The following PLXNA4 variants were observed in gnomAD, a reference collection of about 807,000 sequenced individuals.
The protein encoded by PLXNA4 is plexin A4, also known as plexin-A4.
PLXNA4 carries 44 observed loss-of-function variants against 191.8 expected under a neutral mutation model. The observed-to-expected ratio is 0.23, with a 90% confidence interval of 0.18 to 0.29. The LOEUF (loss-of-function observed/expected upper bound fraction) is 0.29, where lower values mean the gene tolerates loss of function less well. Among genes scored for constraint, PLXNA4 ranks in the 10% least tolerant of loss-of-function variants. The probability of loss-of-function intolerance (pLI) is 1.00; values close to 1 mark genes in which losing one functional copy is unlikely to be tolerated. For synonymous variants in PLXNA4, 1,082 were observed against 1,009.5 expected, an observed-to-expected ratio of 1.07 and a Z score of -1.36; for missense variants, 1,800 against 2,488.8, an observed-to-expected ratio of 0.72 and a Z score of 5.89.
At chr7:132,501,474 G>A (rs1798249220) in intron 2 of PLXNA4, among the ~76,000 whole-genome samples, 2 of 152,108 alleles carry the variant, frequency 1.3e-5, no homozygotes, top group African/African-American at 4.8e-5. Flanking sequence ...CCTGGGTCCC[G>A]CCTCACTCCC....
intron 4 of PLXNA4, among the ~76,000 whole-genome samples, chr7:132,256,651 G>A (rs972485231): frequency 6.6e-6 from 1 of 152,196 alleles, no homozygotes; most frequent in Middle Eastern, 3.2e-3. Flanking sequence ...AGATGCTGGT[G>A]CCTGGGCCAA....
At chr7:132,184,576 C>T (rs552001329) in intron 16 of PLXNA4, among the ~76,000 whole-genome samples, 1 of 152,338 alleles carries the variant, frequency 6.6e-6, no homozygotes, top group Non-Finnish European at 1.5e-5. Context: ...ATTTCAAAAT[C>T]CCTGGGTGAA....
intron 3 of PLXNA4, among the ~76,000 whole-genome samples, chr7:132,399,855 T>C (rs1793914684): frequency 1.3e-5 from 2 of 152,324 alleles, no homozygotes; most frequent in Admixed American, 6.5e-5. Flanking sequence ...CGCAATGAAA[T>C]GTGCAGATCT....
rs1426228631 is a variant in PLXNA4 at position 132,592,867 on chromosome 7, T to TAA, written c.-87+53060_-87+53061insTT. ...TTTTTTTTCCAGAAGCAAAAAAAATTTAAAAAAAAAAACCCGAAGACCTTG... is the reference window on the plus strand; with the variant it reads ...TTTTTTTTCCAGAAGCAAAAAAAATTAATAAAAAAAAAAACCCGAAGACCTTG... On this transcript the variant is annotated intron_variant, in intron 2 of 4. Transcript: ENST00000378539. 4.6e-3 allele frequency among the ~76,000 whole-genome samples: 657 copies of TAA among 142,970 alleles called. 7 individuals are homozygous for TAA. The highest frequency in any genetic ancestry group is 0.015 in the African/African-American group (592 of 39,160). The allele number at this position is 142,970 out of a possible 152,430, so 93.8% of individuals were successfully genotyped here.
At chr7:132,227,698 A>T in intron 6 of PLXNA4, 94 bp from the exon 7 acceptor site, 10 of 1,499,736 alleles carry the variant, frequency 6.7e-6, no homozygotes, top group Non-Finnish European at 9.1e-6. Context: ...AGTGAGAGAG[A>T]TCACAGGGAA....
At chr7:132,382,784 C>T (rs1208551174) in intron 3 of PLXNA4, among the ~76,000 whole-genome samples, 3 of 152,050 alleles carry the variant, frequency 2.0e-5, no homozygotes, top group Non-Finnish European at 4.4e-5. Context: ...ATTGTCTGAG[C>T]TACCAATATA....
At position 132,438,111 on chromosome 7, in the gene PLXNA4, T is replaced by C. The variant is rs549866992; in HGVS notation, c.1371+51181A>G. Among the ~76,000 whole-genome samples, 9 of 152,320 alleles carry C rather than the reference T, an allele frequency of 5.9e-5. No individual in the cohort carries two copies. The South Asian group carries it at 8.3e-4, about 14-fold the overall frequency. On this transcript the variant is annotated intron_variant, in intron 3 of 31. Transcript: ENST00000321063. ...TATGCAGGAAAACCTCAGCACGACTTACAGGTGTATAAGCATGTGTGTGGG... is the reference window on the plus strand; with the variant it reads ...TATGCAGGAAAACCTCAGCACGACTCACAGGTGTATAAGCATGTGTGTGGG...
chr7:132,409,441 G>T (rs1794361218), intron 3 of PLXNA4, among the ~76,000 whole-genome samples: 1 of 152,144 alleles, frequency 6.6e-6, no homozygotes, highest in African/African-American at 2.4e-5. Context: ...ATCATCTGAT[G>T]GTCTCATGGT....
intron 3 of PLXNA4, among the ~76,000 whole-genome samples, chr7:132,407,320 C>T (rs971322778): frequency 6.6e-6 from 1 of 152,146 alleles, no homozygotes; most frequent in South Asian, 2.1e-4. Context: ...CCAAATGAGG[C>T]CCTCTGGTGA....
intron 4 of PLXNA4, among the ~76,000 whole-genome samples, chr7:132,278,643 T>G (rs1340012292): frequency 6.6e-6 from 1 of 152,204 alleles, no homozygotes; most frequent in African/African-American, 2.4e-5. Flanking sequence ...TGCCAGCGGC[T>G]GCATGGGGAG....
intron 9 of PLXNA4, among the ~76,000 whole-genome samples, chr7:132,219,408 C>T (rs945657718): frequency 6.6e-6 from 1 of 152,216 alleles, no homozygotes; most frequent in African/African-American, 2.4e-5. Context: ...AATGACAGAA[C>T]TTTAGAGATG....
chr7:132,178,268 C>T (rs1022922118), intron 20 of PLXNA4, among the ~76,000 whole-genome samples: 11 of 152,060 alleles, frequency 7.2e-5, no homozygotes, highest in Non-Finnish European at 1.6e-4. Flanking sequence ...ACCCACTCAA[C>T]CAGGATTCCA....
chr7:132,501,820 G>A (rs1332397805), intron 2 of PLXNA4, among the ~76,000 whole-genome samples: 1 of 152,208 alleles, frequency 6.6e-6, no homozygotes, highest in East Asian at 1.9e-4. Flanking sequence ...GGCCATGAGA[G>A]GTGGGCACTC....
rs1796633110 is a variant in PLXNA4 at position 132,179,542 on chromosome 7, C to T, written c.3874+145G>A. ...ACACACACATTCGCACAGACACACA[C>T]ACCGCCAGCCTCCAGCACTGCCCAC... On this transcript the variant is annotated intron_variant, in intron 20 of 31. Coordinates refer to ENST00000321063, the MANE Select transcript of PLXNA4 (RefSeq NM_020911.2). 4.2e-6 allele frequency: 5 copies of T among 1,196,392 alleles called. No homozygotes were observed. In the East Asian group the frequency reaches 7.8e-5, roughly 19 times the overall value. The allele number at this position is 1,196,392 out of a possible 1,614,324, so 74.1% of individuals were successfully genotyped here. A position where few individuals can be genotyped will look rare whatever the true frequency, so the allele number is the denominator to read the frequency against.
intron 1 of PLXNA4, among the ~76,000 whole-genome samples, chr7:132,563,621 T>C (rs1354736333): frequency 8.1e-6 from 1 of 123,858 alleles, no homozygotes; most frequent in Non-Finnish European, 1.7e-5. Flanking sequence ...CTCTTCCTCC[T>C]CCTTCTCTTC....
intron 4 of PLXNA4, among the ~76,000 whole-genome samples, chr7:132,265,444 A>G (rs779073152): frequency 1.1e-4 from 17 of 152,214 alleles, no homozygotes; most frequent in African/African-American, 1.9e-4. Context: ...CATTCATTCA[A>G]TTGAATATGG....
intron 1 of PLXNA4, among the ~76,000 whole-genome samples, chr7:132,573,231 A>G (rs1374868415): frequency 1.3e-5 from 2 of 152,170 alleles, no homozygotes; most frequent in Non-Finnish European, 2.9e-5. Flanking sequence ...CATCTGTTGC[A>G]TAGTCTAATG....
chr7:132,278,316 G>A (rs1258431583), intron 4 of PLXNA4, among the ~76,000 whole-genome samples: 1 of 152,170 alleles, frequency 6.6e-6, no homozygotes, highest in Non-Finnish European at 1.5e-5. Context: ...CATTTCATAG[G>A]CCTGAGGAGG....
intron 3 of PLXNA4, among the ~76,000 whole-genome samples, chr7:132,327,999 G>T (rs949348218): frequency 1.3e-5 from 2 of 152,166 alleles, no homozygotes; most frequent in African/African-American, 4.8e-5. Flanking sequence ...CAGCGGCAGG[G>T]TGCAAAGAGA....
Sources: gnomAD v4.1 joint callset for allele counts (sites outside exome capture counted in the v4.1 genomes callset) on GRCh38, gnomAD v4.1.1 for gene constraint, MANE v1.5 for transcripts, NCBI Gene and HGNC (gene_info 2026-07-23, HGNC 2026-07-21) for gene names.